The following NDFIP1 variants were observed in gnomAD, a reference collection of about 807,000 sequenced individuals.
The protein encoded by NDFIP1 is NEDD4 family-interacting protein 1.
NDFIP1 carries 7 observed loss-of-function variants against 28.8 expected under a neutral mutation model. The ratio of observed to expected loss-of-function variants is 0.24; its 90% CI spans 0.14 to 0.46. The LOEUF (loss-of-function observed/expected upper bound fraction) is 0.46, where lower values mean the gene tolerates loss of function less well. Ranked by LOEUF, NDFIP1 falls within the 20% of genes least tolerant of loss-of-function variation. NDFIP1 has a pLI of 0.99. For synonymous variants in NDFIP1, 92 were observed against 101.0 expected, an observed-to-expected ratio of 0.91 and a Z score of 0.53; for missense variants, 194 against 269.1, an observed-to-expected ratio of 0.72 and a Z score of 1.95.
intron 1 of NDFIP1, among the ~76,000 whole-genome samples, chr5:142,128,604 A>T (rs1170614965): frequency 1.3e-5 from 2 of 152,228 alleles, no homozygotes; most frequent in East Asian, 1.9e-4. Flanking sequence ...CCTACATTGC[A>T]GTGTTTTGTT....
chr5:142,132,112 C>A, intron 2 of NDFIP1, 100 bp from the exon 3 acceptor site: 1 of 1,405,256 alleles, frequency 7.1e-7, no homozygotes, highest in South Asian at 1.4e-5. Context: ...TGTATGTACT[C>A]TTAAGGGAAT....
At position 142,142,014 on chromosome 5, in the gene NDFIP1, G is replaced by A. The variant is rs7736528; in HGVS notation, c.562+1385G>A. Among the ~76,000 whole-genome samples the A allele has an allele frequency of 2.7e-3, 408 of 152,260 alleles. 2 individuals are homozygous for A. The highest frequency in any genetic ancestry group is 9.3e-3 in the African/African-American group (388 of 41,540). On this transcript the variant is annotated intron_variant, in intron 6 of 7. Coordinates refer to ENST00000253814, the MANE Select transcript of NDFIP1 (RefSeq NM_030571.4). The stretch of plus-strand genomic sequence containing the variant: ...TAACCAAGCATGGTGGTTTGTGCCT[G>A]TAGTCCTAGCTACTTGGGAGACTGA...
intron 4 of NDFIP1, among the ~76,000 whole-genome samples, chr5:142,136,921 G>A (rs1372136180): frequency 2.2e-4 from 4 of 17,788 alleles, no homozygotes; most frequent in East Asian, 1.5e-3. Context: ...AAAATTAGCC[G>A]TTAGCCGGGC....
intron 2 of NDFIP1, 69 bp from the exon 3 acceptor site, chr5:142,132,143 A>G (rs1757234045): frequency 4.5e-6 from 7 of 1,562,576 alleles, no homozygotes; most frequent in Non-Finnish European, 6.1e-6. Flanking sequence ...TGTCTGCTAG[A>G]GTTAGTGGAA....
At chr5:142,142,441 C>CCG (rs1757341345) in intron 6 of NDFIP1, among the ~76,000 whole-genome samples, 1 of 152,086 alleles carries the variant, frequency 6.6e-6, no homozygotes, top group African/African-American at 2.4e-5. Flanking sequence ...GGCTGACCAC[C>CCG]CGTGTTTCCC....
intron 5 of NDFIP1, among the ~76,000 whole-genome samples, chr5:142,138,828 A>G (rs1236390159): frequency 2.0e-5 from 3 of 152,090 alleles, no homozygotes; most frequent in Non-Finnish European, 4.4e-5. Flanking sequence ...GAACTACATT[A>G]AACTCTTGGA....
At chr5:142,134,925 C>A (rs79505571) in intron 3 of NDFIP1, among the ~76,000 whole-genome samples, 1 of 151,880 alleles carries the variant, frequency 6.6e-6, no homozygotes, top group Admixed American at 6.6e-5. Flanking sequence ...CATGTATGAT[C>A]GTACTATTCT....
rs1028046957 is a variant in NDFIP1, at chr5:142,131,857, C to T, written c.113C>T (p.Ala38Val). The T allele has an allele frequency of 1.2e-6, 2 of 1,601,622 alleles. No homozygotes were observed. The highest frequency in any genetic ancestry group is 2.3e-5 in the East Asian group (1 of 44,442). The change falls in exon 2 of 8, where the codon GCT (alanine) becomes GTT (valine). Residue 38 changes from alanine (A) to valine (V), a missense_variant. Transcript: ENST00000253814. ...GAACCTGAACAGGCTGCAGGTGATG[C>T]TCCTCCACCTTACAGCAGCATTTCT... is the stretch of plus-strand genomic sequence containing the variant. ...SGEPEQAAGDAPPPYSSISAE... is the reference protein window; with the variant it reads ...SGEPEQAAGDVPPPYSSISAE...
intron 1 of NDFIP1, among the ~76,000 whole-genome samples, chr5:142,124,572 G>T (rs1011515215): frequency 6.6e-6 from 1 of 152,080 alleles, no homozygotes; most frequent in Non-Finnish European, 1.5e-5. Context: ...CTTTACAAAC[G>T]GTTAGCTTTG....
rs1757291101 is a variant in NDFIP1, at chr5:142,137,807, G to A, written c.444G>A (p.Gly148=). 6 of 1,613,984 alleles carry A rather than the reference G, an allele frequency of 3.7e-6. No homozygotes were observed. The highest frequency in any genetic ancestry group is 2.2e-5 in the East Asian group (1 of 44,868). ...CLTTSAAGRY[G]AISGFGLSLI... is the part of the protein sequence containing the mutation. ...CCACTTCAGCTGCAGGAAGGTATGG[G>A]GCCATTTCAGGATTTGGTCTCTCTC... Residue 148 remains glycine (G), a synonymous_variant, in exon 5 of 8, where the codon GGG becomes GGA. Coordinates refer to ENST00000253814, the MANE Select transcript of NDFIP1 (RefSeq NM_030571.4).
intron 7 of NDFIP1, among the ~76,000 whole-genome samples, chr5:142,147,390 T>C (rs1009990416): frequency 6.6e-6 from 1 of 152,194 alleles, no homozygotes; most frequent in African/African-American, 2.4e-5. Context: ...GAAGACATAC[T>C]AGAAAACCGT....
chr5:142,145,362 C>T (rs1029075471), intron 7 of NDFIP1, among the ~76,000 whole-genome samples: 1 of 152,072 alleles, frequency 6.6e-6, no homozygotes, highest in African/African-American at 2.4e-5. Context: ...CAATGGCTGC[C>T]TGAAGGAAGA....
At position 142,131,793 on chromosome 5, in the gene NDFIP1, G is replaced by T; in HGVS notation, c.64-15G>T. ...TGGCTTTATGCTTACATTAAAATATGAAATTTTTATTTAGTTGCAGAATGA... is the reference window on the plus strand; with the variant it reads ...TGGCTTTATGCTTACATTAAAATATTAAATTTTTATTTAGTTGCAGAATGA... On this transcript the variant is annotated splice_polypyrimidine_tract_variant and intron_variant, in intron 1 of 7. Transcript: ENST00000253814. 1.3e-6 allele frequency: 2 copies of T among 1,553,364 alleles called. No individual in the cohort carries two copies. The highest frequency in any genetic ancestry group is 1.7e-6 in the Non-Finnish European group (2 of 1,155,876).
intron 3 of NDFIP1, among the ~76,000 whole-genome samples, chr5:142,132,963 T>G (rs1001421591): frequency 1.3e-5 from 2 of 152,230 alleles, no homozygotes; most frequent in African/African-American, 4.8e-5. Flanking sequence ...AGATTGAGGC[T>G]GATGAAGGTA....
At position 142,124,847 on chromosome 5, in the gene NDFIP1, C is replaced by T. The variant is rs576221163; in HGVS notation, c.64-6961C>T. ...CTTGAAGATTTTTTTTTTTTTGAGA[C>T]GGAGTCTCGCCTCTGTCGCCCAGGC... On this transcript the variant is annotated intron_variant, in intron 1 of 7. Coordinates refer to ENST00000253814, the MANE Select transcript of NDFIP1 (RefSeq NM_030571.4). 6.0e-5 allele frequency among the ~76,000 whole-genome samples: 9 copies of T among 149,712 alleles called. No homozygotes were observed. In the South Asian group the frequency reaches 1.9e-3, roughly 31 times the overall value.
intron 7 of NDFIP1, among the ~76,000 whole-genome samples, chr5:142,147,240 CCCAGAGGGAA>C (rs1359700082): frequency 1.3e-5 from 2 of 152,030 alleles, no homozygotes; most frequent in African/African-American, 4.8e-5. Flanking sequence ...TCCAGGGATC[CCCAGAGGGAA>C]CCTGAAAAGC....
intron 6 of NDFIP1, among the ~76,000 whole-genome samples, chr5:142,142,246 C>T (rs1757339634): frequency 6.6e-6 from 1 of 152,096 alleles, no homozygotes; most frequent in African/African-American, 2.4e-5. Context: ...CACCATCTAC[C>T]ACCTCCTCAA....
intron 6 of NDFIP1, chr5:142,142,883 A>C (rs548945894): frequency 1.5e-5 from 2 of 134,194 alleles, no homozygotes; most frequent in African/African-American, 5.5e-5. Context: ...GTGCCACTGC[A>C]CTCCAGCCTG....
chr5:142,116,323 T>TTTCC (rs58709020), intron 1 of NDFIP1, among the ~76,000 whole-genome samples: 14 of 148,660 alleles, frequency 9.4e-5, no homozygotes, highest in Non-Finnish European at 1.3e-4. Context: ...TATTTATTTA[T>TTTCC]TTCCTTCCTT....
Sources: gnomAD v4.1 joint callset for allele counts (sites outside exome capture counted in the v4.1 genomes callset) on GRCh38, gnomAD v4.1.1 for gene constraint, MANE v1.5 for transcripts, NCBI Gene and HGNC (gene_info 2026-07-23, HGNC 2026-07-21) for gene names.